RASGRP3: variants seen among roughly 807,000 people sequenced by gnomAD.
RASGRP3 encodes ras guanyl-releasing protein 3.
In RASGRP3, 54 loss-of-function variants were observed where a neutral mutation model predicts 82.7. The ratio of observed to expected loss-of-function variants is 0.65; its 90% CI spans 0.52 to 0.82. The LOEUF is 0.82. RASGRP3 is among the 40% of genes least tolerant of loss of function. The probability of loss-of-function intolerance (pLI) is 0.00; values close to 1 mark genes in which losing one functional copy is unlikely to be tolerated. For synonymous variants in RASGRP3, 309 were observed against 300.5 expected, an observed-to-expected ratio of 1.03 and a Z score of -0.29; for missense variants, 861 against 828.9, an observed-to-expected ratio of 1.04 and a Z score of -0.48.
At chr2:33,504,883 C>T (rs986245810) in intron 1 of RASGRP3, among the ~76,000 whole-genome samples, 6 of 152,182 alleles carry the variant, frequency 3.9e-5, no homozygotes, top group African/African-American at 1.4e-4. Flanking sequence ...GCACATGAGG[C>T]TGAGCACGTT....
intron 2 of RASGRP3, 50 bp from the exon 3 acceptor site, chr2:33,514,960 G>A (rs1268797936): frequency 1.2e-5 from 7 of 603,696 alleles, no homozygotes; most frequent in Non-Finnish European, 2.1e-5. Context: ...TGCTCTAGTG[G>A]GGTCTGAACT....
chr2:33,513,844 A>G (rs976449783), intron 2 of RASGRP3: 2 of 152,212 alleles, frequency 1.3e-5, no homozygotes, highest in Non-Finnish European at 2.9e-5. Context: ...AATCTGTCTT[A>G]CATCTTCTTT....
At chr2:33,533,096 G>T (rs766877949) in intron 10 of RASGRP3, 1 of 152,202 alleles carries the variant, frequency 6.6e-6, no homozygotes, top group African/African-American at 2.4e-5. Context: ...GCCCGCACTG[G>T]TTATGTTCAT....
chr2:33,514,941 G>A, intron 2 of RASGRP3, 69 bp from the exon 3 acceptor site: 1 of 579,664 alleles, frequency 1.7e-6, no homozygotes, highest in Non-Finnish European at 3.1e-6. Context: ...TTTTCAGGTA[G>A]GAAAGTGATG....
intron 1 of RASGRP3, among the ~76,000 whole-genome samples, chr2:33,445,949 A>C (rs1407697629): frequency 6.6e-6 from 1 of 152,182 alleles, no homozygotes; most frequent in African/African-American, 2.4e-5. Flanking sequence ...ACGAAAAATG[A>C]GGAAGTAAAT....
chr2:33,516,161 G>A (rs1671443807), intron 3 of RASGRP3, among the ~76,000 whole-genome samples: 1 of 152,184 alleles, frequency 6.6e-6, no homozygotes, highest in South Asian at 2.1e-4. Context: ...TGTAATCCCA[G>A]CACTTTGGGA....
intron 1 of RASGRP3, among the ~76,000 whole-genome samples, chr2:33,495,531 G>A (rs1363528047): frequency 6.6e-6 from 1 of 152,042 alleles, no homozygotes; most frequent in East Asian, 1.9e-4. Context: ...CCAGGGGTTG[G>A]GGACCCCTGG....
In RASGRP3 at chr2:33,533,994, T is replaced by C. The variant is rs985824250; in HGVS notation, c.1084-329T>C. The C allele has an allele frequency of 1.1e-5, 3 of 264,848 alleles. No homozygotes were observed. In the East Asian group the frequency reaches 2.2e-4, roughly 20 times the overall value. The allele number at this position is 264,848 out of a possible 1,614,324, so 16.4% of individuals were successfully genotyped here. ...AGGCAGCATTTATTACATTTACAAG[T>C]CTTATTGTTTGCATCTGTCCCCACT... On this transcript the variant is annotated intron_variant, in intron 10 of 17. Transcript: ENST00000403687.
At chr2:33,503,412 G>A (rs1670063465) in intron 1 of RASGRP3, among the ~76,000 whole-genome samples, 1 of 152,114 alleles carries the variant, frequency 6.6e-6, no homozygotes, top group South Asian at 2.1e-4. Context: ...TCTTAGATGG[G>A]AGGAAGACAT....
At chr2:33,558,093 G>A (rs1225133147) in intron 15 of RASGRP3, 118 bp from the exon 16 acceptor site, 1 of 1,371,944 alleles carries the variant, frequency 7.3e-7, no homozygotes, top group Middle Eastern at 1.8e-4. Context: ...GCTCAACTCT[G>A]AAATTCAACA....
At chr2:33,505,798 C>T (rs541169102) in intron 1 of RASGRP3, among the ~76,000 whole-genome samples, 2 of 152,146 alleles carry the variant, frequency 1.3e-5, no homozygotes, top group Non-Finnish European at 2.9e-5. Flanking sequence ...CTGAATGTGT[C>T]CATCTGGAAG....
chr2:33,471,916 C>T (rs139098211), upstream of RASGRP3, among the ~76,000 whole-genome samples: 77 of 151,706 alleles, frequency 5.1e-4, 1 homozygote, highest in African/African-American at 1.7e-3. Flanking sequence ...TTTAAGAACT[C>T]TAAAGTTTCC....
intron 13 of RASGRP3, among the ~76,000 whole-genome samples, chr2:33,547,004 G>A (rs1331369187): frequency 7.0e-6 from 1 of 143,234 alleles, no homozygotes; most frequent in Non-Finnish European, 1.5e-5. Flanking sequence ...AGCCAAGATC[G>A]CACCATTGCA....
chr2:33,457,171 G>A (rs551206203), intron 2 of RASGRP3, among the ~76,000 whole-genome samples: 76 of 152,066 alleles, frequency 5.0e-4, no homozygotes, highest in African/African-American at 1.8e-3. Flanking sequence ...ATGCCGGACC[G>A]CTAAGTGCTT....
chr2:33,520,744 G>T, intron 6 of RASGRP3, 60 bp downstream of exon 6: 1 of 1,593,408 alleles, frequency 6.3e-7, no homozygotes, highest in Non-Finnish European at 8.6e-7. Flanking sequence ...GGAGGAAGTA[G>T]TGATCACCCC....
At position 33,524,498 on chromosome 2, in the gene RASGRP3, A is replaced by C. The variant is rs1672332566; in HGVS notation, c.757A>C (p.Ile253Leu). The C allele has an allele frequency of 6.2e-7, 1 of 1,605,758 alleles. No individual in the cohort carries two copies. The highest frequency in any genetic ancestry group is 1.3e-5 in the African/African-American group (1 of 74,832). The change falls in exon 9 of 18, where the codon ATT becomes CTT. Residue 253 changes from isoleucine to leucine, a missense_variant. Ile to Leu is a conservative substitution (Grantham distance 5). Coordinates refer to ENST00000403687, the MANE Select transcript of RASGRP3 (RefSeq NM_001139488.2). ...AVVGGLSHSSISRLKETHSHL... is the reference protein window; with the variant it reads ...AVVGGLSHSSLSRLKETHSHL... ...GGTGGGAGGCCTCAGTCATAGTTCC[A>C]TTTCACGCCTCAAAGAGACCCATTC...
At chr2:33,503,207 G>T (rs1357585457) in intron 1 of RASGRP3, among the ~76,000 whole-genome samples, 1 of 152,024 alleles carries the variant, frequency 6.6e-6, no homozygotes, top group Non-Finnish European at 1.5e-5. Context: ...AAACATTTTT[G>T]AAATGAATTT....
In RASGRP3 at chr2:33,459,362, C is replaced by A. The variant is rs183079149; in HGVS notation, c.-261+11419C>A. 4.9e-3 allele frequency among the ~76,000 whole-genome samples: 747 copies of A among 152,214 alleles called. 6 individuals carry two copies. Among genetic ancestry groups the A allele is most frequent in the African/African-American group, 0.017 (712 of 41,524 alleles). On this transcript the variant is annotated intron_variant, in intron 2 of 18. Coordinates refer to the RASGRP3 transcript ENST00000402538. The stretch of plus-strand genomic sequence containing the variant: ...TGTTAACCAGGATGGTCTCGATCTC[C>A]TGACTTCATGATCCGCCTGCCTCAG...
Position 33,527,411 on chromosome 2 carries a change from C to G in RASGRP3, c.1082C>G (p.Thr361Arg). The change falls in exon 10 of 18, where the codon ACG becomes AGG. Residue 361 changes from threonine (T) to arginine (R), a missense_variant and splice_region_variant. By Grantham distance (71) the Thr-to-Arg change is moderately conservative. Transcript: ENST00000403687. ...EPNMDLINLLTLSLDLYHTED... is the reference protein window; with the variant it reads ...EPNMDLINLLRLSLDLYHTED... ...AACATGGATTTGATCAACCTGCTCA[C>G]GGTGAGTTCCAAGGAGCCAAGTTTG... The G allele has an allele frequency of 3.7e-6, 6 of 1,610,784 alleles. 1 individual carries two copies. The highest frequency in any genetic ancestry group is 2.5e-6 in the Non-Finnish European group (3 of 1,177,384).
Sources: gnomAD v4.1 joint callset for allele counts (sites outside exome capture counted in the v4.1 genomes callset) on GRCh38, gnomAD v4.1.1 for gene constraint, MANE v1.5 for transcripts, NCBI Gene and HGNC (gene_info 2026-07-23, HGNC 2026-07-21) for gene names.